The following RALGAPA2 variants were observed in gnomAD, a reference collection of about 807,000 sequenced individuals.
RALGAPA2 encodes the protein ral GTPase-activating protein subunit alpha-2.
A neutral mutation model predicts 230.4 loss-of-function variants in RALGAPA2; 139 were observed. The ratio of observed to expected loss-of-function variants is 0.60; its 90% CI spans 0.53 to 0.69. The LOEUF is 0.69. Among genes scored for constraint, RALGAPA2 ranks in the 30% least tolerant of loss-of-function variants. The pLI is 0.00. For synonymous variants in RALGAPA2, 847 were observed against 837.8 expected (o/e 1.01, Z -0.19); for missense variants, 2,163 against 2,276.0 (o/e 0.95, Z 1.01).
At chr20:20,495,671 T>G (rs1354429880) in intron 35 of RALGAPA2, among the ~76,000 whole-genome samples, 3 of 152,350 alleles carry the variant, frequency 2.0e-5, no homozygotes, top group Non-Finnish European at 4.4e-5. Context: ...AGATTCTCAA[T>G]TCAATGGTTA....
intron 30 of RALGAPA2, 102 bp from the exon 31 acceptor site, chr20:20,521,202 G>T: frequency 2.2e-6 from 2 of 925,462 alleles, no homozygotes; most frequent in Non-Finnish European, 3.2e-6. Context: ...ACTCCTGCTT[G>T]GTCCTAGCTG....
At chr20:20,701,855 G>A (rs1465141618) in intron 1 of RALGAPA2, among the ~76,000 whole-genome samples, 2 of 151,834 alleles carry the variant, frequency 1.3e-5, no homozygotes, top group African/African-American at 4.8e-5. Flanking sequence ...GCCTGGCCAA[G>A]ATGGTGAAAC....
chr20:20,553,551 T>TA (rs368489827), intron 23 of RALGAPA2, among the ~76,000 whole-genome samples: 191 of 150,718 alleles, frequency 1.3e-3, no homozygotes, highest in East Asian at 2.9e-3. Flanking sequence ...GAATCTATCT[T>TA]AAAAAAAAAC....
At chr20:20,670,171 C>T (rs1255199627) in intron 3 of RALGAPA2, among the ~76,000 whole-genome samples, 1 of 152,208 alleles carries the variant, frequency 6.6e-6, no homozygotes, top group East Asian at 1.9e-4. Context: ...ATCTCCAGCA[C>T]CTACGTGTGT....
chr20:20,676,748 A>C (rs903031761), intron 2 of RALGAPA2, among the ~76,000 whole-genome samples: 2 of 152,236 alleles, frequency 1.3e-5, no homozygotes, highest in African/African-American at 4.8e-5. Flanking sequence ...CAACACCTGC[A>C]GCTGAGGTTA....
chr20:20,677,384 A>T (rs1328804680), intron 2 of RALGAPA2, among the ~76,000 whole-genome samples: 3 of 152,096 alleles, frequency 2.0e-5, no homozygotes, highest in Non-Finnish European at 4.4e-5. Context: ...AATTTAGGGG[A>T]GGTGTATTCC....
chr20:20,445,204 T>C (rs1050755852), intron 37 of RALGAPA2, among the ~76,000 whole-genome samples: 1 of 152,230 alleles, frequency 6.6e-6, no homozygotes, highest in East Asian at 1.9e-4. Flanking sequence ...ACTGGGCATC[T>C]TGGAATGTAT....
intron 23 of RALGAPA2, among the ~76,000 whole-genome samples, chr20:20,556,251 C>T (rs546204204): frequency 6.6e-6 from 1 of 152,268 alleles, no homozygotes; most frequent in Admixed American, 6.5e-5. Context: ...AACATAAAGC[C>T]CCTTTTCTCT....
At chr20:20,511,388 A>T in intron 32 of RALGAPA2, 63 bp from the exon 33 acceptor site, 1 of 1,508,602 alleles carries the variant, frequency 6.6e-7, no homozygotes. Context: ...CCGCTTTTCA[A>T]TCAGTAATTT....
At chr20:20,541,565 C>A (rs2063642828) in intron 24 of RALGAPA2, among the ~76,000 whole-genome samples, 1 of 152,154 alleles carries the variant, frequency 6.6e-6, no homozygotes, top group Non-Finnish European at 1.5e-5. Context: ...CGTGGATCCA[C>A]TGGACAAAGC....
In RALGAPA2 at chr20:20,679,001, C is replaced by G. The variant is rs139922207; in HGVS notation, c.217+1690G>C. ...CCCCTCCTACTACTCCATCGCTTTC[C>G]TTTGCATATACCCAATAAAATAAGG... On this transcript the variant is annotated intron_variant, in intron 2 of 39. Coordinates refer to ENST00000202677, the MANE Select transcript of RALGAPA2 (RefSeq NM_020343.4). Among the ~76,000 whole-genome samples the G allele has an allele frequency of 3.5e-3, 528 of 152,302 alleles. 5 individuals carry two copies. The highest frequency in any genetic ancestry group is 0.012 in the African/African-American group (498 of 41,540).
At chr20:20,453,158 A>T (rs567059629) in intron 37 of RALGAPA2, among the ~76,000 whole-genome samples, 1 of 152,208 alleles carries the variant, frequency 6.6e-6, no homozygotes, top group Non-Finnish European at 1.5e-5. Flanking sequence ...ATTGCTTAAT[A>T]ACTGAATAAA....
At chr20:20,429,751 C>A (rs1043865950) in intron 37 of RALGAPA2, among the ~76,000 whole-genome samples, 1 of 152,156 alleles carries the variant, frequency 6.6e-6, no homozygotes, top group African/African-American at 2.4e-5. Context: ...GAGAGCAGAG[C>A]GTCTCACGGT....
chr20:20,453,885 G>A (rs2061046427), intron 37 of RALGAPA2, among the ~76,000 whole-genome samples: 3 of 152,186 alleles, frequency 2.0e-5, no homozygotes, highest in African/African-American at 4.8e-5. Context: ...TGGTGTCTAG[G>A]AATATGAATG....
chr20:20,553,986 AAC>A (rs2064004144), intron 23 of RALGAPA2, among the ~76,000 whole-genome samples: 1 of 152,210 alleles, frequency 6.6e-6, no homozygotes, highest in Non-Finnish European at 1.5e-5. Context: ...TTCTCTTGGT[AAC>A]AGCTTCAAGA....
At chr20:20,463,567 T>C (rs1222376030) in intron 37 of RALGAPA2, among the ~76,000 whole-genome samples, 1 of 152,230 alleles carries the variant, frequency 6.6e-6, no homozygotes, top group African/African-American at 2.4e-5. Flanking sequence ...TTATAAAAAG[T>C]CTTGTAATGG....
At chr20:20,647,880 G>A (rs2067268948) in intron 4 of RALGAPA2, among the ~76,000 whole-genome samples, 2 of 152,166 alleles carry the variant, frequency 1.3e-5, no homozygotes, top group African/African-American at 4.8e-5. Flanking sequence ...AGAGAACGTG[G>A]AGTAACTGGA....
intron 23 of RALGAPA2, among the ~76,000 whole-genome samples, chr20:20,560,522 G>C (rs1206480853): frequency 1.3e-5 from 2 of 152,174 alleles, no homozygotes; most frequent in African/African-American, 4.8e-5. Context: ...CAGACAAAAA[G>C]AGATTATTCC....
chr20:20,546,845 A>G lies in RALGAPA2; in HGVS notation c.3157-13T>C. 1 of 1,565,626 alleles carries G rather than the reference A, an allele frequency of 6.4e-7. No homozygotes were observed. Among genetic ancestry groups the G allele is most frequent in the South Asian group, 1.2e-5 (1 of 82,222 alleles). The stretch of plus-strand genomic sequence containing the variant: ...TATTTAAGATATCCTAAAAGGGAAG[A>G]TAAGAAAAAACACAATCGTAATGTT... On this transcript the variant is annotated splice_polypyrimidine_tract_variant and intron_variant, in intron 23 of 39. Transcript: ENST00000202677.
Sources: gnomAD v4.1 joint callset for allele counts (sites outside exome capture counted in the v4.1 genomes callset) on GRCh38, gnomAD v4.1.1 for gene constraint, MANE v1.5 for transcripts, NCBI Gene and HGNC (gene_info 2026-07-23, HGNC 2026-07-21) for gene names.